PTPRN: variants seen among roughly 807,000 people sequenced by gnomAD.
PTPRN encodes receptor-type tyrosine-protein phosphatase-like N.
PTPRN carries 70 observed loss-of-function variants against 108.5 expected under a neutral mutation model. The observed-to-expected ratio is 0.65, with a 90% CI of 0.53 to 0.79. PTPRN has a LOEUF of 0.79. Among genes scored for constraint, PTPRN ranks in the 30% least tolerant of loss-of-function variants. PTPRN has a pLI of 0.00. For synonymous variants in PTPRN, 496 were observed against 524.6 expected, an observed-to-expected ratio of 0.95 and a Z score of 0.75; for missense variants, 1,136 against 1,295.5, an observed-to-expected ratio of 0.88 and a Z score of 1.89.
rs200877426 is a variant in PTPRN, at chr2:219,299,040, C to T, written c.1668+7G>A. The T allele has an allele frequency of 2.5e-4, 404 of 1,614,080 alleles. No individual in the cohort carries two copies. Among genetic ancestry groups the T allele is most frequent in the Non-Finnish European group, 3.3e-4 (386 of 1,180,000 alleles). On this transcript the variant is annotated splice_region_variant and intron_variant, in intron 12 of 22. Coordinates refer to ENST00000295718, the MANE Select transcript of PTPRN (RefSeq NM_002846.4). ...GGACTTGGACTGATTCTCCAGTTAG[C>T]GCATACCTGTCCCACTCCTGTCTGC...
rs766210855 is a variant in PTPRN, at chr2:219,303,844, A to G, written c.281-13T>C. ...TGCCAGGACAATCCTGTCAGGAAAG[A>G]GGACAGCGTAAGTTGGTTCAGGAGT... On this transcript the variant is annotated splice_polypyrimidine_tract_variant and intron_variant, in intron 3 of 22. Coordinates refer to ENST00000295718, the MANE Select transcript of PTPRN (RefSeq NM_002846.4). 59 of 1,600,878 alleles carry G rather than the reference A, an allele frequency of 3.7e-5. No individual in the cohort carries two copies. Among genetic ancestry groups the G allele is most frequent in the Middle Eastern group, 3.3e-4 (2 of 6,008 alleles).
At position 219,297,328 on chromosome 2, in the gene PTPRN, C is replaced by T. The variant is rs753523637; in HGVS notation, c.1993G>A (p.Ala665Thr). The T allele has an allele frequency of 1.1e-5, 17 of 1,613,914 alleles. No individual in the cohort carries two copies. Among genetic ancestry groups the T allele is most frequent in the Non-Finnish European group, 1.4e-5 (17 of 1,180,038 alleles). Residue 665 changes from alanine to threonine, a missense_variant, in exon 14 of 23, where the codon GCC (alanine) becomes ACC (threonine). Transcript: ENST00000295718. This position sits in a 1 kb window ranked among gnomAD's most constrained non-coding sequence, Gnocchi z 6.0. ...CTGTGGGAGCTGGGGCTGGCCTGGG[C>T]TGCGTCGCTGAACTGGGAGGACACA... is the stretch of plus-strand genomic sequence containing the variant. Reference protein sequence around the residue: ...SSVSSQFSDAAQASPSSHSST... With the variant: ...SSVSSQFSDATQASPSSHSST...
chr2:219,308,097 C>A (rs1219653243), intron 1 of PTPRN: 5 of 501,106 alleles, frequency 1.0e-5, no homozygotes, highest in Non-Finnish European at 1.8e-5. Flanking sequence ...AGGGAAGAAA[C>A]CTTCCAGGTG....
Position 219,296,851 on chromosome 2 carries a change from T to C in PTPRN, c.2237-29A>G. ...CACAGACCCGACACCCCACCCCAGA[T>C]GGCCCTCTGGTCATTGGCATCGCGG... On this transcript the variant is annotated intron_variant, in intron 15 of 22. Transcript: ENST00000295718. The surrounding 1 kb of genome is among the most constrained non-coding windows in gnomAD (Gnocchi z 6.0). The C allele has an allele frequency of 1.2e-6, 2 of 1,613,998 alleles. No homozygotes were observed. Among genetic ancestry groups the C allele is most frequent in the Admixed American group, 1.7e-5 (1 of 60,016 alleles).
chr2:219,297,051 T>G lies in PTPRN; in HGVS notation c.2170A>C (p.Asn724His). The G allele has an allele frequency of 6.2e-7, 1 of 1,614,076 alleles. No homozygotes were observed. The highest frequency in any genetic ancestry group is 1.1e-5 in the South Asian group (1 of 91,084). The part of the protein sequence containing the change: ...QALCAYQAEP[N>H]TCATAQGEGN... ...TCCCCCTGCGCGGTGGCACAGGTGT[T>G]TGGCTCTGCTTGGTAGGCACAGAGG... is the stretch of plus-strand genomic sequence containing the variant. Residue 724 changes from asparagine (N) to histidine (H), a missense_variant, in exon 15 of 23, where the codon AAC becomes CAC. Coordinates refer to ENST00000295718, the MANE Select transcript of PTPRN (RefSeq NM_002846.4). This position sits in a 1 kb window ranked among gnomAD's most constrained non-coding sequence, Gnocchi z 6.0.
Position 219,297,157 on chromosome 2 carries a change from C to G in PTPRN, c.2089-25G>C. On this transcript the variant is annotated intron_variant, in intron 14 of 22. Transcript: ENST00000295718. The surrounding 1 kb of genome is among the most constrained non-coding windows in gnomAD (Gnocchi z 6.0). ...CCTGTGGGGGCACCACGGTCTGGCT[C>G]TGGCCCACACAGCCAGCCTGGCCTC... 3.7e-6 allele frequency: 6 copies of G among 1,612,548 alleles called. No individual in the cohort carries two copies. The highest frequency in any genetic ancestry group is 3.3e-5 in the South Asian group (3 of 90,956).
chr2:219,294,046 C>G, intron 19 of PTPRN: 2 of 508,078 alleles, frequency 3.9e-6, no homozygotes, highest in Non-Finnish European at 8.1e-6. Flanking sequence ...TTGCCTCTTC[C>G]CTGTACCCCT....
chr2:219,295,273 C>T (rs1294185323), intron 18 of PTPRN, 132 bp from the exon 19 acceptor site: 1 of 951,058 alleles, frequency 1.1e-6, no homozygotes, highest in Admixed American at 3.0e-5. Flanking sequence ...TTCTAAGTTC[C>T]AGCGGTCCCA....
intron 10 of PTPRN, 59 bp from the exon 11 acceptor site, chr2:219,299,443 G>C: frequency 1.3e-6 from 2 of 1,561,540 alleles, no homozygotes; most frequent in Non-Finnish European, 1.8e-6. Flanking sequence ...CTTCAAAAAA[G>C]AGGCCAGCTC....
Position 219,299,747 on chromosome 2 carries a change from G to A in PTPRN, c.1476C>T (p.Ile492=), listed in dbSNP as rs953041758. The change falls in exon 10 of 23, where the codon ATC becomes ATT. Residue 492 remains isoleucine (I), a synonymous_variant. Transcript: ENST00000295718. ...SLAAGVKLLE[I]LAEHVHMSSG... is the part of the protein sequence containing the mutation. Reference sequence around the variant, plus strand: ...AGGACATGTGCACATGCTCAGCCAGGATCTCCAGCAGCTTCACTCCTGCAG... The same window carrying A: ...AGGACATGTGCACATGCTCAGCCAGAATCTCCAGCAGCTTCACTCCTGCAG... The A allele has an allele frequency of 4.3e-6, 7 of 1,610,158 alleles. No homozygotes were observed. Among genetic ancestry groups the A allele is most frequent in the Non-Finnish European group, 5.9e-6 (7 of 1,176,906 alleles).
rs1194519805 is a variant in PTPRN, at chr2:219,309,225, A to G, written c.108T>C (p.Ser36=). The G allele has an allele frequency of 2.4e-5, 30 of 1,226,782 alleles. No individual in the cohort carries two copies. The East Asian group carries it at 1.1e-3, about 45-fold the overall frequency. The allele number at this position is 1,226,782 out of a possible 1,614,324, so 76.0% of individuals were successfully genotyped here. The change falls in exon 1 of 23, where the codon AGT becomes AGC. Residue 36 remains serine, a synonymous_variant. Transcript: ENST00000295718. Reference sequence around the variant, plus strand: ...CCCAAGTTTCCTCCTGACCGTGGGCACTAACGGCGCTGCAGCCCCCCGGGC... The same window carrying G: ...CCCAAGTTTCCTCCTGACCGTGGGCGCTAACGGCGCTGCAGCCCCCCGGGC... ...SSRPGGCSAV[S]AHGCLFDRRL...
intron 3 of PTPRN, among the ~76,000 whole-genome samples, chr2:219,305,084 G>A (rs1395127941): frequency 1.3e-5 from 2 of 151,878 alleles, no homozygotes; most frequent in Admixed American, 6.6e-5. Flanking sequence ...TACTTATCCC[G>A]TAATCATCAT....
chr2:219,296,135 T>G lies in PTPRN; in HGVS notation c.2508+91A>C. ...ATAAAAGCCTTTTTAAAAAGACTGTTGAGTGCTCATTTGGTGAAGAAAACG... is the reference window on the plus strand; with the variant it reads ...ATAAAAGCCTTTTTAAAAAGACTGTGGAGTGCTCATTTGGTGAAGAAAACG... On this transcript the variant is annotated intron_variant, in intron 18 of 22. Coordinates refer to ENST00000295718, the MANE Select transcript of PTPRN (RefSeq NM_002846.4). The surrounding 1 kb of genome is among the most constrained non-coding windows in gnomAD (Gnocchi z 6.0). 1 of 1,571,426 alleles carries G rather than the reference T, an allele frequency of 6.4e-7. No individual in the cohort carries two copies. Among genetic ancestry groups the G allele is most frequent in the Non-Finnish European group, 8.7e-7 (1 of 1,146,242 alleles).
At position 219,296,169 on chromosome 2, in the gene PTPRN, A is replaced by C; in HGVS notation, c.2508+57T>G. On this transcript the variant is annotated intron_variant, in intron 18 of 22. Coordinates refer to ENST00000295718, the MANE Select transcript of PTPRN (RefSeq NM_002846.4). This position sits in a 1 kb window ranked among gnomAD's most constrained non-coding sequence, Gnocchi z 6.0. ...ATTTGGTGAAGAAAACGTTACGAAA[A>C]GGCCATCATCTACTCTTCCCACATC... 6.3e-7 allele frequency: 1 copy of C among 1,597,572 alleles called. No individual in the cohort carries two copies. Among genetic ancestry groups the C allele is most frequent in the Admixed American group, 1.7e-5 (1 of 59,444 alleles).
At position 219,298,116 on chromosome 2, in the gene PTPRN, G is replaced by T; in HGVS notation, c.1669-13C>A. ...CTGCCTCCTCCCTCTGTGGGAACAA[G>T]GCTAGAATCAAGGGAGGCAGTGGCA... is the stretch of plus-strand genomic sequence containing the variant. On this transcript the variant is annotated splice_polypyrimidine_tract_variant and intron_variant, in intron 12 of 22. Coordinates refer to ENST00000295718, the MANE Select transcript of PTPRN (RefSeq NM_002846.4). 6.2e-7 allele frequency: 1 copy of T among 1,608,380 alleles called. No homozygotes were observed.
At chr2:219,301,996 C>T (rs1281783532) in intron 6 of PTPRN, 141 bp downstream of exon 6, 2 of 886,784 alleles carry the variant, frequency 2.3e-6, no homozygotes, top group African/African-American at 1.7e-5. Context: ...TGGCATAGAA[C>T]AGCTTGTCAG....
chr2:219,296,874 C>T lies in PTPRN; in HGVS notation c.2237-52G>A, dbSNP rs368718575. ...GATGGCCCTCTGGTCATTGGCATCG[C>T]GGGACCTCTGCCACTCAGCCTGAGC... On this transcript the variant is annotated intron_variant, in intron 15 of 22. Coordinates refer to ENST00000295718, the MANE Select transcript of PTPRN (RefSeq NM_002846.4). The surrounding 1 kb of genome is among the most constrained non-coding windows in gnomAD (Gnocchi z 6.0). 104 of 1,613,334 alleles carry T rather than the reference C, an allele frequency of 6.4e-5. 1 individual carries two copies. The highest frequency in any genetic ancestry group is 5.7e-4 in the Admixed American group (34 of 60,006).
intron 11 of PTPRN, 93 bp from the exon 12 acceptor site, chr2:219,299,204 G>T (rs957426800): frequency 4.6e-5 from 73 of 1,600,590 alleles, no homozygotes; most frequent in Admixed American, 1.8e-4. Flanking sequence ...GCCCATGTGG[G>T]CTGGGAACAT....
At chr2:219,295,975 G>GACACACACAC (rs58673887) in intron 18 of PTPRN, 13 of 423,238 alleles carry the variant, frequency 3.1e-5, no homozygotes, top group Non-Finnish European at 4.6e-5. Flanking sequence ...CTCTAGACAG[G>GACACACACAC]ACACACACAC....
Sources: gnomAD v4.1 joint callset for allele counts (sites outside exome capture counted in the v4.1 genomes callset) on GRCh38, gnomAD v4.1.1 for gene constraint, Gnocchi (gnomAD v3.1) non-coding constraint, MANE v1.5 for transcripts, NCBI Gene and HGNC (gene_info 2026-07-23, HGNC 2026-07-21) for gene names.